Variants in TBX10 observed in about 807,000 individuals in gnomAD.
TBX10 encodes T-box transcription factor TBX10.
TBX10 carries 26 observed loss-of-function variants against 32.4 expected under a neutral mutation model. That is an observed-to-expected ratio of 0.80 (90% confidence interval 0.59 to 1.11). The LOEUF (loss-of-function observed/expected upper bound fraction) is 1.11. Ranked by LOEUF, TBX10 falls within the 50% of genes most tolerant of loss-of-function variation. The pLI is 0.00. For synonymous variants in TBX10, 195 were observed against 203.1 expected, an observed-to-expected ratio of 0.96 and a Z score of 0.34; for missense variants, 490 against 494.5, an observed-to-expected ratio of 0.99 and a Z score of 0.09.
intron 1 of TBX10, 69 bp downstream of exon 1, chr11:67,639,397 A>ACAC: frequency 5.2e-6 from 2 of 381,858 alleles, no homozygotes; most frequent in Admixed American, 3.6e-5. Flanking sequence ...CTTGGTTCCC[A>ACAC]CCCTGCCCAC....
At chr11:67,639,226 G>A (rs953836232) in intron 1 of TBX10, among the ~76,000 whole-genome samples, 3 of 152,326 alleles carry the variant, frequency 2.0e-5, no homozygotes, top group East Asian at 1.9e-4. Flanking sequence ...GAGGTCACAC[G>A]TGCCCAGTGA....
Position 67,631,815 on chromosome 11 carries a change from C to G in TBX10, c.948G>C (p.Leu316=), listed in dbSNP as rs767377721. The change falls in exon 8 of 8, where the codon CTG becomes CTC. Residue 316 remains leucine (L), a synonymous_variant. Transcript: ENST00000335385. ...HHQLLPPPEV[L]LAPATYRPVT... is the part of the protein sequence containing the mutation. The stretch of plus-strand genomic sequence containing the variant: ...CAGGCCTGTAGGTGGCCGGGGCCAG[C>G]AGGACCTCAGGTGGGGGCAGCAGCT... 6.3e-7 allele frequency: 1 copy of G among 1,586,832 alleles called. No individual in the cohort carries two copies. The highest frequency in any genetic ancestry group is 1.3e-5 in the African/African-American group (1 of 74,702).
chr11:67,635,437 T>C (rs1208842867), intron 1 of TBX10, among the ~76,000 whole-genome samples, 174 bp from the exon 2 acceptor site: 1 of 152,204 alleles, frequency 6.6e-6, no homozygotes, highest in Non-Finnish European at 1.5e-5. Context: ...ACTTAAAGTT[T>C]ATTTTGCCAG....
upstream of TBX10, among the ~76,000 whole-genome samples, chr11:67,641,372 A>G (rs1855403674): frequency 6.6e-6 from 1 of 152,332 alleles, no homozygotes; most frequent in East Asian, 1.9e-4. Flanking sequence ...CACATGGCGC[A>G]CACACGTACA....
intron 4 of TBX10, 50 bp from the exon 5 acceptor site, chr11:67,633,153 A>C: frequency 6.3e-7 from 1 of 1,585,950 alleles, no homozygotes. Flanking sequence ...AGTACAGCGG[A>C]CTCCCTGAGG....
rs373324247 is a variant in TBX10 at position 67,638,063 on chromosome 11, CA to C, written c.7+1402del. On this transcript the variant is annotated intron_variant, in intron 1 of 7. Coordinates refer to ENST00000335385, the MANE Select transcript of TBX10 (RefSeq NM_005995.5). ...CTCTACTAAAAATACAAAAATTAGC[CA>C]GAAGTGCTGGCGGGCACCTGTAATC... is the stretch of plus-strand genomic sequence containing the variant. Among the ~76,000 whole-genome samples, 17 of 152,172 alleles carry C rather than the reference CA, an allele frequency of 1.1e-4. No individual in the cohort carries two copies. The East Asian group carries it at 3.3e-3, about 29-fold the overall frequency.
rs531906539 is a variant in TBX10 at position 67,631,786 on chromosome 11, G to A, written c.977C>T (p.Thr326Met). 28 of 1,599,962 alleles carry A rather than the reference G, an allele frequency of 1.8e-5. No individual in the cohort carries two copies. Among genetic ancestry groups the A allele is most frequent in the South Asian group, 2.3e-5 (2 of 88,468 alleles). Residue 326 changes from threonine (T) to methionine (M), a missense_variant, in exon 8 of 8, where the codon ACG becomes ATG. Physicochemically the swap from Thr to Met is moderately conservative, Grantham distance 81 (BLOSUM62 -1). This residue lies in a region of TBX10 where 177 missense variants were observed against 176.6 expected (regional missense o/e 1.00). Transcript: ENST00000335385. ...LLAPATYRPV[T>M]YQSLYSGAPS... ...GGCTCCAGAGTACAGGCTCTGATACGTGACAGGCCTGTAGGTGGCCGGGGC... is the reference window on the plus strand; with the variant it reads ...GGCTCCAGAGTACAGGCTCTGATACATGACAGGCCTGTAGGTGGCCGGGGC...
chr11:67,634,829 C>T lies in TBX10; in HGVS notation c.364G>A (p.Asp122Asn), dbSNP rs138224804. 37 of 1,613,396 alleles carry T rather than the reference C, an allele frequency of 2.3e-5. No homozygotes were observed. The highest frequency in any genetic ancestry group is 3.3e-5 in the Admixed American group (2 of 60,006). The change falls in exon 3 of 8, where the codon GAC (aspartate) becomes AAC (asparagine). Residue 122 changes from aspartate to asparagine, a missense_variant. Around this residue, in one of 3 missense-constraint regions of TBX10, gnomAD observed 307 missense variants for 294.9 expected, o/e 1.04. Coordinates refer to ENST00000335385, the MANE Select transcript of TBX10 (RefSeq NM_005995.5). ...CGGTCCCCGCACCTGTATCTCTTGT[C>T]GTCCAGGGGGATGAAGTCCATGAGC... ...ALLMDFIPLD[D>N]KRYRYAFHSS...
In TBX10 at chr11:67,632,946, A is replaced by G; in HGVS notation, c.705+2T>C. 1.2e-6 allele frequency: 2 copies of G among 1,614,126 alleles called. No individual in the cohort carries two copies. The highest frequency in any genetic ancestry group is 1.7e-6 in the Non-Finnish European group (2 of 1,180,000). On this transcript the variant is annotated splice_donor_variant, in intron 5 of 7. Transcript: ENST00000335385. LOFTEE classifies it high-confidence loss of function. Reference sequence around the variant, plus strand: ...CGGGTGCTCCCGAGCTGGTTCACCCACCCTGTGGTTCTGATAGGCTGTCAC... The same window carrying G: ...CGGGTGCTCCCGAGCTGGTTCACCCGCCCTGTGGTTCTGATAGGCTGTCAC...
intron 3 of TBX10, 99 bp downstream of exon 3, chr11:67,634,717 T>A (rs1855297485): frequency 2.2e-6 from 3 of 1,338,510 alleles, no homozygotes; most frequent in Non-Finnish European, 3.2e-6. Context: ...CCTGGCATTG[T>A]TTGGACAGGC....
intron 3 of TBX10, 32 bp from the exon 4 acceptor site, chr11:67,634,392 C>T (rs1181093440): frequency 1.3e-6 from 2 of 1,598,724 alleles, no homozygotes; most frequent in Non-Finnish European, 1.7e-6. Flanking sequence ...TGAGGGCTTC[C>T]CCAACCAGAG....
Position 67,634,905 on chromosome 11 carries a change from G to C in TBX10, c.288C>G (p.Pro96=), listed in dbSNP as rs997325439. 5 of 1,613,282 alleles carry C rather than the reference G, an allele frequency of 3.1e-6. No homozygotes were observed. The highest frequency in any genetic ancestry group is 3.3e-5 in the Admixed American group (2 of 60,010). The stretch of plus-strand genomic sequence containing the variant: ...TGCCCAGGATCTTCACCTGGAAGGG[G>C]GGGAACATCCTCCTGCGGGAGGGAG... ...IVTKAGRRMF[P]PFQVKILGMD... The change falls in exon 3 of 8, where the codon CCC becomes CCG. Residue 96 remains proline (P), a synonymous_variant. Coordinates refer to ENST00000335385, the MANE Select transcript of TBX10 (RefSeq NM_005995.5).
At position 67,639,690 on chromosome 11, in the gene TBX10, C is replaced by T. The variant is rs1374191875; in HGVS notation, c.-218G>A. On this transcript the variant is annotated 5_prime_UTR_variant, in exon 1 of 8. Coordinates refer to ENST00000335385, the MANE Select transcript of TBX10 (RefSeq NM_005995.5). ...GTGGTCTTCCTACTCGAGCTGGACCCCTGGTCTCCGAAGGTGAGATGCAGG... is the reference window on the plus strand; with the variant it reads ...GTGGTCTTCCTACTCGAGCTGGACCTCTGGTCTCCGAAGGTGAGATGCAGG... 2 of 650,438 alleles carry T rather than the reference C, an allele frequency of 3.1e-6. No individual in the cohort carries two copies. The highest frequency in any genetic ancestry group is 5.5e-5 in the East Asian group (2 of 36,108). The allele number at this position is 650,438 out of a possible 1,614,324, so 40.3% of individuals were successfully genotyped here. A position where few individuals can be genotyped will look rare whatever the true frequency, so the allele number is the denominator to read the frequency against.
chr11:67,631,468 T>C lies in TBX10; in HGVS notation c.*137A>G. On this transcript the variant is annotated 3_prime_UTR_variant, in exon 8 of 8. Transcript: ENST00000335385. ...CAGCCTTGCTGTGACCCTGGGCAGG[T>C]AGCCTCTTTCTCTAGACTTTCACCT... 1 of 1,158,874 alleles carries C rather than the reference T, an allele frequency of 8.6e-7. No homozygotes were observed. The highest frequency in any genetic ancestry group is 1.2e-6 in the Non-Finnish European group (1 of 818,926). 71.8% of individuals were successfully genotyped at this position (1,158,874 alleles called of 1,614,324 possible).
chr11:67,632,926 G>A, intron 5 of TBX10, 22 bp downstream of exon 5: 1 of 1,614,168 alleles, frequency 6.2e-7, no homozygotes, highest in Non-Finnish European at 8.5e-7. Flanking sequence ...TGCAGCGGGT[G>A]CTCCCGAGCT....
intron 1 of TBX10, 23 bp from the exon 2 acceptor site, chr11:67,635,286 T>G (rs1242211409): frequency 3.1e-6 from 5 of 1,612,562 alleles, no homozygotes; most frequent in Non-Finnish European, 4.2e-6. Context: ...GACGGAAGTG[T>G]GGGCCCCACG....
At chr11:67,634,106 TG>T in intron 4 of TBX10, 82 bp downstream of exon 4, 1 of 1,579,306 alleles carries the variant, frequency 6.3e-7, no homozygotes. Flanking sequence ...GCAGAGGTGC[TG>T]GGCACCAAGG....
chr11:67,634,088 A>T, intron 4 of TBX10, 101 bp downstream of exon 4: 2 of 1,535,926 alleles, frequency 1.3e-6, no homozygotes, highest in South Asian at 1.1e-5. Context: ...CTTGACCATC[A>T]GCAGCAGGCA....
At chr11:67,639,416 G>A (rs2134103153) in intron 1 of TBX10, 50 bp downstream of exon 1, 3 of 509,504 alleles carry the variant, frequency 5.9e-6, no homozygotes, top group East Asian at 6.0e-5. Flanking sequence ...ACCCACCCTG[G>A]AACCTGAGCC....
Sources: allele counts gnomAD v4.1 joint callset (sites outside exome capture counted in the v4.1 genomes callset), GRCh38; gene constraint gnomAD v4.1.1; regional missense constraint gnomAD v4.1.1; transcripts MANE v1.5; gene names NCBI Gene and HGNC (gene_info 2026-07-23, HGNC 2026-07-21).